ZMAT4: variants seen among roughly 807,000 people sequenced by gnomAD.
ZMAT4 encodes zinc finger matrin-type protein 4.
ZMAT4 carries 17 observed loss-of-function variants against 28.7 expected under a neutral mutation model. The observed-to-expected ratio is 0.59, with a 90% CI of 0.41 to 0.89. ZMAT4 has a LOEUF of 0.89. ZMAT4 is among the 40% of genes least tolerant of loss of function. The probability of loss-of-function intolerance (pLI) is 0.00; values close to 1 mark genes in which losing one functional copy is unlikely to be tolerated. For synonymous variants in ZMAT4, 117 were observed against 109.2 expected (o/e 1.07, Z -0.44); for missense variants, 240 against 283.8 (o/e 0.85, Z 1.11).
chr8:40,544,406 A>G (rs1585664302), intron 6 of ZMAT4, among the ~76,000 whole-genome samples: 1 of 152,340 alleles, frequency 6.6e-6, no homozygotes, highest in East Asian at 1.9e-4. Context: ...TAAGACTTCA[A>G]AAAGATCAAA....
rs1339726004 is a variant in ZMAT4 at position 40,820,390 on chromosome 8, GTT to G, written c.102+5183_102+5184del. Reference sequence around the variant, plus strand: ...TCTACGTGTGTGGGTGTGTAGAGGTGTTTGTGTGTATGTGTGTGAAAGTGTGT... The same window carrying G: ...TCTACGTGTGTGGGTGTGTAGAGGTGTGTGTGTATGTGTGTGAAAGTGTGT... On this transcript the variant is annotated intron_variant, in intron 2 of 6. Transcript: ENST00000297737. 2.4e-4 allele frequency among the ~76,000 whole-genome samples: 32 copies of G among 134,092 alleles called. No individual in the cohort carries two copies. The South Asian group carries it at 5.5e-3, about 23-fold the overall frequency. 88.0% of individuals were successfully genotyped at this position (134,092 alleles called of 152,430 possible).
At chr8:40,569,884 A>G (rs542006589) in intron 6 of ZMAT4, among the ~76,000 whole-genome samples, 2 of 152,222 alleles carry the variant, frequency 1.3e-5, no homozygotes, top group Non-Finnish European at 2.9e-5. Context: ...ACCTTCTGCC[A>G]GCTGGAAAAT....
At chr8:40,684,106 C>T (rs1191629413) in intron 4 of ZMAT4, among the ~76,000 whole-genome samples, 4 of 151,592 alleles carry the variant, frequency 2.6e-5, no homozygotes, top group Non-Finnish European at 5.9e-5. Flanking sequence ...ATTATTGGGA[C>T]ATAAGTACTG....
intron 3 of ZMAT4, among the ~76,000 whole-genome samples, chr8:40,765,672 G>T (rs1813130419): frequency 6.6e-6 from 1 of 152,154 alleles, no homozygotes; most frequent in African/African-American, 2.4e-5. Context: ...GTTATTGGCA[G>T]CACCGGAGCT....
intron 2 of ZMAT4, among the ~76,000 whole-genome samples, chr8:40,816,190 G>A (rs1815528624): frequency 7.9e-5 from 12 of 152,162 alleles, no homozygotes; most frequent in Admixed American, 7.9e-4. Context: ...GAACCTGGGA[G>A]ATATGATATT....
chr8:40,590,094 A>C (rs1164134982), intron 5 of ZMAT4, among the ~76,000 whole-genome samples: 1 of 148,932 alleles, frequency 6.7e-6, no homozygotes, highest in Non-Finnish European at 1.5e-5. Context: ...ATTGTAGTTC[A>C]CTGCAGCCTC....
intron 4 of ZMAT4, among the ~76,000 whole-genome samples, chr8:40,684,875 C>A (rs115767772): frequency 7.2e-5 from 11 of 152,012 alleles, no homozygotes; most frequent in Admixed American, 2.0e-4. Flanking sequence ...TGTCTATAAC[C>A]GCTCTTCAGC....
chr8:40,616,529 A>G (rs1346819824), intron 5 of ZMAT4, among the ~76,000 whole-genome samples: 2 of 152,232 alleles, frequency 1.3e-5, no homozygotes, highest in African/African-American at 4.8e-5. Context: ...AATGTGGCAC[A>G]TATACACCAT....
At chr8:40,803,884 T>C (rs1484273548) in intron 2 of ZMAT4, among the ~76,000 whole-genome samples, 1 of 152,196 alleles carries the variant, frequency 6.6e-6, no homozygotes, top group Non-Finnish European at 1.5e-5. Flanking sequence ...CAATGGACTA[T>C]TATTCATCAC....
chr8:40,834,728 T>C (rs1275974274), intron 1 of ZMAT4, among the ~76,000 whole-genome samples: 1 of 152,188 alleles, frequency 6.6e-6, no homozygotes, highest in Non-Finnish European at 1.5e-5. Flanking sequence ...ACAATGGCTC[T>C]GGCAGGCCCA....
chr8:40,566,419 T>G (rs1350865144), intron 6 of ZMAT4, among the ~76,000 whole-genome samples: 4 of 152,282 alleles, frequency 2.6e-5, no homozygotes, highest in African/African-American at 7.2e-5. Context: ...GAACCTGACC[T>G]CCTTCCTATT....
At chr8:40,802,764 A>C (rs1304808224) in intron 2 of ZMAT4, among the ~76,000 whole-genome samples, 2 of 152,202 alleles carry the variant, frequency 1.3e-5, no homozygotes, top group Non-Finnish European at 2.9e-5. Flanking sequence ...CAAAATAGCC[A>C]ACTTAATATT....
At chr8:40,724,745 T>G (rs924420716) in intron 3 of ZMAT4, among the ~76,000 whole-genome samples, 3 of 152,076 alleles carry the variant, frequency 2.0e-5, no homozygotes, top group Admixed American at 1.3e-4. Context: ...AACTGAGTCT[T>G]GAAGGATGCA....
chr8:40,560,247 A>G (rs1803691920), intron 6 of ZMAT4, among the ~76,000 whole-genome samples: 2 of 151,374 alleles, frequency 1.3e-5, no homozygotes, highest in Admixed American at 1.3e-4. Flanking sequence ...TGTACATTTT[A>G]TCTTAACTCA....
chr8:40,684,258 G>A (rs1446121346), intron 4 of ZMAT4, among the ~76,000 whole-genome samples: 1 of 152,188 alleles, frequency 6.6e-6, no homozygotes, highest in Non-Finnish European at 1.5e-5. Context: ...ATGACTTCAC[G>A]CATTGCTTAG....
chr8:40,669,668 C>T (rs1274183486), intron 5 of ZMAT4, among the ~76,000 whole-genome samples: 1 of 152,070 alleles, frequency 6.6e-6, no homozygotes, highest in African/African-American at 2.4e-5. Flanking sequence ...GTATGTATAA[C>T]CCACAAAATA....
At chr8:40,860,476 G>A (rs1817449898) in intron 1 of ZMAT4, among the ~76,000 whole-genome samples, 1 of 152,160 alleles carries the variant, frequency 6.6e-6, no homozygotes, top group Non-Finnish European at 1.5e-5. Context: ...CCATGATATT[G>A]TTACATTGGA....
intron 3 of ZMAT4, among the ~76,000 whole-genome samples, chr8:40,760,389 C>A (rs1480357448): frequency 6.6e-6 from 1 of 152,142 alleles, no homozygotes; most frequent in Non-Finnish European, 1.5e-5. Context: ...CTTTCACCTG[C>A]CCTCAGGAAC....
rs950846308 is a variant in ZMAT4 at position 40,756,616 on chromosome 8, T to C, written c.192+11025A>G. 2.2e-3 allele frequency among the ~76,000 whole-genome samples: 280 copies of C among 129,548 alleles called. 1 individual carries two copies. Among genetic ancestry groups the C allele is most frequent in the Middle Eastern group, 7.5e-3 (2 of 268 alleles). 85.0% of individuals were successfully genotyped at this position (129,548 alleles called of 152,430 possible). On this transcript the variant is annotated intron_variant, in intron 3 of 6. Transcript: ENST00000297737. ...AATACTCAGCATCTGTTCGGGTTTA[T>C]GTTTGTAAGTGTGTGTGTGTGTGTG...
Sources: gnomAD v4.1 joint callset for allele counts (sites outside exome capture counted in the v4.1 genomes callset) on GRCh38, gnomAD v4.1.1 for gene constraint, MANE v1.5 for transcripts, NCBI Gene and HGNC (gene_info 2026-07-23, HGNC 2026-07-21) for gene names.